The following PTPRM variants were observed in gnomAD, a reference collection of about 807,000 sequenced individuals.
The protein encoded by PTPRM is receptor-type tyrosine-protein phosphatase mu.
PTPRM carries 47 observed loss-of-function variants against 186.7 expected under a neutral mutation model. The ratio of observed to expected loss-of-function variants is 0.25; its 90% CI spans 0.20 to 0.32. The LOEUF (loss-of-function observed/expected upper bound fraction) is 0.32. PTPRM is among the 10% of genes least tolerant of loss of function. The probability of loss-of-function intolerance (pLI) is 1.00; values close to 1 mark genes in which losing one functional copy is unlikely to be tolerated. For synonymous variants in PTPRM, 668 were observed against 674.9 expected, an observed-to-expected ratio of 0.99 and a Z score of 0.16; for missense variants, 1,494 against 1,865.0, an observed-to-expected ratio of 0.80 and a Z score of 3.66.
chr18:8,397,139 G>A (rs1248372754), intron 32 of PTPRM, among the ~76,000 whole-genome samples: 1 of 152,228 alleles, frequency 6.6e-6, no homozygotes, highest in African/African-American at 2.4e-5. Context: ...ACAGCCCTGG[G>A]GGCACTTCCG....
intron 5 of PTPRM, among the ~76,000 whole-genome samples, chr18:7,945,041 G>T (rs780261312): frequency 2.6e-5 from 4 of 152,138 alleles, no homozygotes; most frequent in Non-Finnish European, 5.9e-5. Context: ...TACATGTGTG[G>T]ATTAGTGGAT....
chr18:8,400,613 C>A (rs146520776), intron 32 of PTPRM, among the ~76,000 whole-genome samples: 219 of 152,302 alleles, frequency 1.4e-3, no homozygotes, highest in African/African-American at 4.8e-3. Flanking sequence ...GCCCCCTCCC[C>A]CTCCGTCCCA....
chr18:7,946,083 G>C (rs1443364878), intron 5 of PTPRM, among the ~76,000 whole-genome samples: 1 of 152,158 alleles, frequency 6.6e-6, no homozygotes, highest in African/African-American at 2.4e-5. Context: ...GTCCGAGGCT[G>C]TTTATTTTAT....
intron 23 of PTPRM, among the ~76,000 whole-genome samples, chr18:8,354,208 G>A (rs543560818): frequency 6.5e-4 from 43 of 66,036 alleles, no homozygotes; most frequent in Non-Finnish European, 1.1e-3. Flanking sequence ...GTGAGATTCC[G>A]TCTTAAAAAA....
At chr18:8,174,564 G>T (rs2093453519) in intron 14 of PTPRM, among the ~76,000 whole-genome samples, 1 of 152,158 alleles carries the variant, frequency 6.6e-6, no homozygotes, top group Non-Finnish European at 1.5e-5. Flanking sequence ...GACCAAGTGT[G>T]GAGGATTATT....
At chr18:7,603,247 T>C (rs1412082915) in intron 1 of PTPRM, among the ~76,000 whole-genome samples, 1 of 152,206 alleles carries the variant, frequency 6.6e-6, no homozygotes, top group Non-Finnish European at 1.5e-5. Context: ...TTTAATAATC[T>C]TTGGTCATGC....
chr18:7,926,558 C>G lies in PTPRM; in HGVS notation c.548-10C>G, dbSNP rs2051183305. ...ACTTTTAATATCTTTCATTCTTTTT[C>G]TTTATGTAGCCAGGACTCCTCACTT... On this transcript the variant is annotated splice_polypyrimidine_tract_variant and intron_variant, in intron 4 of 32. Transcript: ENST00000580170. The G allele has an allele frequency of 6.3e-7, 1 of 1,585,692 alleles. No individual in the cohort carries two copies. Among genetic ancestry groups the G allele is most frequent in the Admixed American group, 1.8e-5 (1 of 55,048 alleles).
chr18:7,636,049 CT>C (rs1424786800), intron 1 of PTPRM, among the ~76,000 whole-genome samples: 3 of 152,186 alleles, frequency 2.0e-5, no homozygotes, highest in Non-Finnish European at 2.9e-5. Flanking sequence ...ACAAACGCTT[CT>C]GTTTTCTGAC....
intron 3 of PTPRM, among the ~76,000 whole-genome samples, chr18:7,902,506 G>A (rs2049749318): frequency 1.3e-5 from 2 of 152,178 alleles, no homozygotes; most frequent in Admixed American, 6.5e-5. Context: ...TTGTTTGGAG[G>A]GGAGGAGTCA....
At chr18:8,162,745 T>C (rs2093254046) in intron 14 of PTPRM, among the ~76,000 whole-genome samples, 1 of 152,214 alleles carries the variant, frequency 6.6e-6, no homozygotes, top group South Asian at 2.1e-4. Flanking sequence ...CATATTTCCC[T>C]ATGTATCCAT....
chr18:8,283,101 G>A (rs1462025040), intron 19 of PTPRM, among the ~76,000 whole-genome samples: 1 of 152,018 alleles, frequency 6.6e-6, no homozygotes, highest in East Asian at 1.9e-4. Context: ...ATTCCACAAG[G>A]AAGTTTTTTT....
intron 1 of PTPRM, chr18:7,755,431 T>TG (rs551991070): frequency 7.7e-4 from 117 of 152,274 alleles, no homozygotes; most frequent in African/African-American, 2.7e-3. Context: ...CACAGCCTTT[T>TG]GGGGTATGGA....
rs1341096779 is a variant in PTPRM, at chr18:7,752,701, C to T, written c.74-21448C>T. 3.3e-5 allele frequency among the ~76,000 whole-genome samples: 5 copies of T among 152,088 alleles called. No individual in the cohort carries two copies. In the South Asian group the frequency reaches 6.2e-4, roughly 19 times the overall value. On this transcript the variant is annotated intron_variant, in intron 1 of 32. Coordinates refer to ENST00000580170, the MANE Select transcript of PTPRM (RefSeq NM_001105244.2). ...CAGGTGATCCGCCTACCTCGGCCTC[C>T]TAAGTGCTGGGATTACAGGCATGAG...
chr18:8,154,361 G>A (rs760855343), intron 14 of PTPRM, among the ~76,000 whole-genome samples: 9 of 152,110 alleles, frequency 5.9e-5, no homozygotes, highest in South Asian at 2.1e-4. Flanking sequence ...ATTCTGAGTC[G>A]TCCACCTCAA....
chr18:8,395,842 T>A (rs1037690884), intron 32 of PTPRM, among the ~76,000 whole-genome samples: 1 of 152,226 alleles, frequency 6.6e-6, no homozygotes, highest in Non-Finnish European at 1.5e-5. Flanking sequence ...AGTTTTGTCA[T>A]TTAAGTGTCC....
At chr18:7,745,627 G>C (rs1198848465) in intron 1 of PTPRM, among the ~76,000 whole-genome samples, 1 of 152,198 alleles carries the variant, frequency 6.6e-6, no homozygotes, top group Non-Finnish European at 1.5e-5. Context: ...TGGATTGCCA[G>C]TGCCCCTAGC....
chr18:7,708,023 C>T (rs1202194382), intron 1 of PTPRM, among the ~76,000 whole-genome samples: 1 of 152,186 alleles, frequency 6.6e-6, no homozygotes, highest in East Asian at 1.9e-4. Flanking sequence ...GCAGAATATG[C>T]TACTCAAAAG....
At chr18:8,351,393 A>G (rs17490807) in intron 23 of PTPRM, among the ~76,000 whole-genome samples, 42,149 of 152,086 alleles carry the variant, frequency 0.28, 6,528 homozygotes, top group Middle Eastern at 0.51. Flanking sequence ...ATGCACTAAT[A>G]CCCTTCTGTG....
At chr18:7,943,492 A>G (rs2052326297) in intron 5 of PTPRM, among the ~76,000 whole-genome samples, 1 of 152,142 alleles carries the variant, frequency 6.6e-6, no homozygotes, top group Admixed American at 6.5e-5. Flanking sequence ...TCAAAAAGCC[A>G]CAGGGCTTTT....
Sources: gnomAD v4.1 joint callset for allele counts (sites outside exome capture counted in the v4.1 genomes callset) on GRCh38, gnomAD v4.1.1 for gene constraint, MANE v1.5 for transcripts, NCBI Gene and HGNC (gene_info 2026-07-23, HGNC 2026-07-21) for gene names.